Variants in MPND observed in about 807,000 individuals in gnomAD.
The protein encoded by MPND is MPN domain-containing protein.
Under a neutral mutation model 59.2 loss-of-function variants are expected in MPND, and 56 were observed. The observed-to-expected ratio is 0.95, with a 90% CI of 0.76 to 1.18. MPND has a LOEUF of 1.18. Among genes scored for constraint, MPND ranks in the 50% most tolerant of loss-of-function variants. MPND has a pLI of 0.00. For synonymous variants in MPND, 323 were observed against 291.9 expected (o/e 1.11, Z -1.09); for missense variants, 671 against 676.0 (o/e 0.99, Z 0.08).
intron 2 of MPND, 24 bp from the exon 3 acceptor site, chr19:4,345,721 C>A (rs375486549): frequency 2.5e-5 from 40 of 1,611,266 alleles, no homozygotes; most frequent in Non-Finnish European, 3.1e-5. Flanking sequence ...GGTCCTGGGC[C>A]CAGCCAGCTG....
intron 12 of MPND, 48 bp downstream of exon 12, chr19:4,359,303 C>G: frequency 7.1e-7 from 1 of 1,416,022 alleles, no homozygotes; most frequent in Non-Finnish European, 9.9e-7. Flanking sequence ...CCAGGAGAGG[C>G]CCCCTGGGCA....
chr19:4,359,834 CTGGACTTGCACGG>C, intron 12 of MPND, 69 bp from the exon 13 acceptor site: 1 of 1,153,336 alleles, frequency 8.7e-7, no homozygotes, highest in Non-Finnish European at 1.2e-6. Context: ...AGTCAGGATG[CTGGACTTGCACGG>C]TGGACTGTGA....
At chr19:4,352,092 G>A (rs999855030) in intron 3 of MPND, among the ~76,000 whole-genome samples, 1 of 151,814 alleles carries the variant, frequency 6.6e-6, no homozygotes, top group African/African-American at 2.4e-5. Context: ...AGAATGGCTT[G>A]AACCCGGAAG....
At position 4,343,804 on chromosome 19, in the gene MPND, C is replaced by T. The variant is rs1182692741; in HGVS notation, c.104C>T (p.Ala35Val). 4.2e-6 allele frequency: 5 copies of T among 1,203,028 alleles called. No individual in the cohort carries two copies. The East Asian group carries it at 1.4e-4, about 34-fold the overall frequency. 74.5% of individuals were successfully genotyped at this position (1,203,028 alleles called of 1,614,324 possible). ...AEAEDPERPN[A>V]GAGGGRSGGG... Reference sequence around the variant, plus strand: ...GCCGAGGACCCTGAGCGGCCGAATGCGGGAGCGGGCGGTGGACGCAGTGGC... The same window carrying T: ...GCCGAGGACCCTGAGCGGCCGAATGTGGGAGCGGGCGGTGGACGCAGTGGC... The change falls in exon 2 of 13, where the codon GCG becomes GTG. Residue 35 changes from alanine (A) to valine (V), a missense_variant. Coordinates refer to ENST00000599840, the MANE Select transcript of MPND (RefSeq NM_001300862.2).
rs1972128166 is a variant in MPND, at chr19:4,343,921, C to T, written c.221C>T (p.Ala74Val). ...CCCGGGGGCGCGCTCACCAGGCGCG[C>T]GGTCACACTGCGGGTGCTCCTCAAA... ...GGPGGALTRR[A>V]VTLRVLLKDA... is the part of the protein sequence containing the mutation. The change falls in exon 2 of 13, where the codon GCG (alanine) becomes GTG (valine). Residue 74 changes from alanine to valine, a missense_variant. Physicochemically the swap from Ala to Val is moderately conservative, Grantham distance 64 (BLOSUM62 0). Transcript: ENST00000599840. The T allele has an allele frequency of 1.5e-6, 2 of 1,306,896 alleles. No homozygotes were observed. The highest frequency in any genetic ancestry group is 1.9e-6 in the Non-Finnish European group (2 of 1,029,084). 81.0% of individuals were successfully genotyped at this position (1,306,896 alleles called of 1,614,324 possible). A position where few individuals can be genotyped will look rare whatever the true frequency, so the allele number is the denominator to read the frequency against.
Position 4,349,661 on chromosome 19 carries a change from C to T in MPND, c.532-3236C>T, listed in dbSNP as rs143989176. Among the ~76,000 whole-genome samples, 6 of 152,252 alleles carry T rather than the reference C, an allele frequency of 3.9e-5. No individual in the cohort carries two copies. In the East Asian group the frequency reaches 7.7e-4, roughly 20 times the overall value. The stretch of plus-strand genomic sequence containing the variant: ...GAGTAGCTGGGACTACAGATGCCCA[C>T]TACCATGCCCAGTTAATTTTTGTAT... On this transcript the variant is annotated intron_variant, in intron 3 of 12. Coordinates refer to ENST00000599840, the MANE Select transcript of MPND (RefSeq NM_001300862.2).
Position 4,353,019 on chromosome 19 carries a change from T to C in MPND, c.654T>C (p.Pro218=). The part of the protein sequence containing the change: ...RRPLGKSPSE[P]AHPEATTPGK... ...CACTGGGGAAGAGCCCTTCAGAGCC[T>C]GCCCACCCGGGTGAGAGGCGTGGGG... The change falls in exon 4 of 13, where the codon CCT becomes CCC. Residue 218 remains proline, a synonymous_variant. Transcript: ENST00000599840. The C allele has an allele frequency of 7.4e-7, 1 of 1,346,778 alleles. No individual in the cohort carries two copies. Among genetic ancestry groups the C allele is most frequent in the Non-Finnish European group, 9.6e-7 (1 of 1,038,232 alleles). 83.4% of individuals were successfully genotyped at this position (1,346,778 alleles called of 1,614,324 possible).
At chr19:4,351,310 G>C (rs1327671144) in intron 3 of MPND, among the ~76,000 whole-genome samples, 4 of 151,884 alleles carry the variant, frequency 2.6e-5, no homozygotes. Flanking sequence ...CACCATGTTG[G>C]CCAGGCTGGT....
chr19:4,353,073 C>T (rs747137265), intron 4 of MPND, 44 bp downstream of exon 4: 36 of 1,311,630 alleles, frequency 2.7e-5, no homozygotes, highest in Non-Finnish European at 3.4e-5. Flanking sequence ...GCGGATACAG[C>T]TCGGGTTGGG....
intron 2 of MPND, 62 bp from the exon 3 acceptor site, chr19:4,345,683 C>A: frequency 1.3e-6 from 2 of 1,522,902 alleles, no homozygotes; most frequent in East Asian, 2.3e-5. Flanking sequence ...GGGGAGGACC[C>A]CCCGGGAGAG....
chr19:4,359,859 G>T lies in MPND; in HGVS notation c.1420-57G>T. 2.8e-6 allele frequency: 4 copies of T among 1,407,426 alleles called. No individual in the cohort carries two copies. The South Asian group carries it at 5.1e-5, about 18-fold the overall frequency. The allele number at this position is 1,407,426 out of a possible 1,614,324, so 87.2% of individuals were successfully genotyped here. ...CTGGACTTGCACGGTGGACTGTGAG[G>T]CGCAGGGCTGGCTAGGACCCCCGGG... is the stretch of plus-strand genomic sequence containing the variant. On this transcript the variant is annotated intron_variant, in intron 12 of 12. Coordinates refer to ENST00000599840, the MANE Select transcript of MPND (RefSeq NM_001300862.2).
chr19:4,359,846 G>T lies in MPND; in HGVS notation c.1420-70G>T, dbSNP rs1184182489. The T allele has an allele frequency of 4.7e-6, 6 of 1,283,080 alleles. No homozygotes were observed. In the African/African-American group the frequency reaches 5.9e-5, roughly 13 times the overall value. 79.5% of individuals were successfully genotyped at this position (1,283,080 alleles called of 1,614,324 possible). A position where few individuals can be genotyped will look rare whatever the true frequency, so the allele number is the denominator to read the frequency against. On this transcript the variant is annotated intron_variant, in intron 12 of 12. Transcript: ENST00000599840. ...CTCAGTCAGGATGCTGGACTTGCAC[G>T]GTGGACTGTGAGGCGCAGGGCTGGC...
intron 11 of MPND, chr19:4,358,491 T>A: frequency 3.1e-6 from 1 of 325,196 alleles, no homozygotes; most frequent in Non-Finnish European, 5.7e-6. Flanking sequence ...AACATGCATT[T>A]AAAACACTAA....
Position 4,357,260 on chromosome 19 carries a change from A to G in MPND, c.1004A>G (p.Gln335Arg). The G allele has an allele frequency of 6.2e-7, 1 of 1,602,498 alleles. No individual in the cohort carries two copies. Among genetic ancestry groups the G allele is most frequent in the South Asian group, 1.1e-5 (1 of 89,688 alleles). The part of the protein sequence containing the change: ...TAAAIEEEIY[Q>R]SLFLRGLSLV... ...CTGCGCCTCTGTCCCCAGATCTACC[A>G]GAGCCTGTTCCTGCGGGGCCTGTCC... Residue 335 changes from glutamine to arginine, a missense_variant, in exon 9 of 13, where the codon CAG (glutamine) becomes CGG (arginine). Physicochemically the swap from Gln to Arg is conservative, Grantham distance 43 (BLOSUM62 1). Coordinates refer to ENST00000599840, the MANE Select transcript of MPND (RefSeq NM_001300862.2).
At chr19:4,349,963 A>G (rs1217153257) in intron 3 of MPND, among the ~76,000 whole-genome samples, 1 of 152,210 alleles carries the variant, frequency 6.6e-6, no homozygotes, top group Non-Finnish European at 1.5e-5. Flanking sequence ...TTCTTTCAGT[A>G]TGTATTCAGT....
At chr19:4,352,333 A>G (rs79744248) in intron 3 of MPND, among the ~76,000 whole-genome samples, 3,782 of 152,336 alleles carry the variant, frequency 0.025, 146 homozygotes, top group African/African-American at 0.086. Context: ...CCAATAATGG[A>G]ACCCTAGGCA....
At chr19:4,345,607 C>G (rs1050808255) in intron 2 of MPND, 138 bp from the exon 3 acceptor site, 14 of 755,632 alleles carry the variant, frequency 1.9e-5, no homozygotes, top group Non-Finnish European at 3.0e-5. Context: ...CTGAGGAGGC[C>G]CTGCAGCCGG....
intron 11 of MPND, 159 bp downstream of exon 11, chr19:4,358,331 G>A (rs1462754082): frequency 1.6e-6 from 1 of 635,752 alleles, no homozygotes; most frequent in Non-Finnish European, 2.7e-6. Context: ...CAGAGTCCAG[G>A]CCCTTGCCAG....
chr19:4,352,516 C>G (rs1462094779), intron 3 of MPND, among the ~76,000 whole-genome samples: 1 of 152,022 alleles, frequency 6.6e-6, no homozygotes, highest in African/African-American at 2.4e-5. Context: ...GAAATCCCGT[C>G]TCTACTAAGA....
Sources: allele counts gnomAD v4.1 joint callset (sites outside exome capture counted in the v4.1 genomes callset), GRCh38; gene constraint gnomAD v4.1.1; transcripts MANE v1.5; gene names NCBI Gene and HGNC (gene_info 2026-07-23, HGNC 2026-07-21).